GPR39: variants seen among roughly 807,000 people sequenced by gnomAD.
GPR39 encodes the protein G protein-coupled receptor 39.
In GPR39, 23 loss-of-function variants were observed where a neutral mutation model predicts 18.4. The observed-to-expected ratio is 1.25, with a 90% CI of 0.90 to 1.77. The LOEUF (loss-of-function observed/expected upper bound fraction) is 1.77, where lower values mean the gene tolerates loss of function less well. Among genes scored for constraint, GPR39 ranks in the 40% most tolerant of loss-of-function variants. GPR39 has a pLI of 0.00. For synonymous variants in GPR39, 280 were observed against 257.9 expected (o/e 1.09, Z -0.82); for missense variants, 647 against 602.4 (o/e 1.07, Z -0.78).
intron 1 of GPR39, among the ~76,000 whole-genome samples, chr2:132,572,449 G>C (rs1358783565): frequency 1.3e-5 from 2 of 151,312 alleles, no homozygotes; most frequent in Non-Finnish European, 2.9e-5. Flanking sequence ...CAACTATCCA[G>C]TTCTAGCCAG....
chr2:132,455,687 T>A (rs2104773662), intron 1 of GPR39, among the ~76,000 whole-genome samples: 1 of 152,336 alleles, frequency 6.6e-6, no homozygotes, highest in South Asian at 2.1e-4. Flanking sequence ...TGTGTCTTTG[T>A]TCTCATTGGT....
rs2104888281 is a variant in GPR39 at position 132,645,803 on chromosome 2, T to C, written c.*197T>C. The C allele has an allele frequency of 1.3e-6, 1 of 764,766 alleles. No individual in the cohort carries two copies. The highest frequency in any genetic ancestry group is 2.7e-5 in the East Asian group (1 of 36,648). The allele number at this position is 764,766 out of a possible 1,614,324, so 47.4% of individuals were successfully genotyped here. ...GGCCTTGACTCCGGTTACACAGACA[T>C]GGGGGTGAACTTTCACTCCACCTCC... is the stretch of plus-strand genomic sequence containing the variant. On this transcript the variant is annotated 3_prime_UTR_variant, in exon 2 of 2. Transcript: ENST00000329321.
At chr2:132,436,589 T>C (rs1271168910) in intron 1 of GPR39, among the ~76,000 whole-genome samples, 1 of 152,222 alleles carries the variant, frequency 6.6e-6, no homozygotes, top group African/African-American at 2.4e-5. Flanking sequence ...TGAGGTGCTC[T>C]CAGCACTTTA....
At chr2:132,495,025 C>T (rs1023522339) in intron 1 of GPR39, among the ~76,000 whole-genome samples, 4 of 152,000 alleles carry the variant, frequency 2.6e-5, no homozygotes, top group African/African-American at 9.7e-5. Context: ...CCAGCCCTAG[C>T]GGGTTTCTAG....
chr2:132,517,135 C>G (rs1329242168), intron 1 of GPR39, among the ~76,000 whole-genome samples: 1 of 151,704 alleles, frequency 6.6e-6, no homozygotes, highest in Non-Finnish European at 1.5e-5. Context: ...CAAAGTCACT[C>G]CGTTTGTGTG....
At chr2:132,511,861 CA>C (rs1679246441) in intron 1 of GPR39, among the ~76,000 whole-genome samples, 1 of 147,340 alleles carries the variant, frequency 6.8e-6, no homozygotes, top group Admixed American at 6.8e-5. Context: ...AAAGTCCAAG[CA>C]AAGTGATGAC....
chr2:132,434,807 TATAAA>T (rs759041914), intron 1 of GPR39, among the ~76,000 whole-genome samples: 1 of 152,102 alleles, frequency 6.6e-6, no homozygotes, highest in African/African-American at 2.4e-5. Context: ...TTCAGAAAAT[TATAAA>T]AGAGATTGTG....
chr2:132,530,593 C>A (rs1283545256), intron 1 of GPR39, among the ~76,000 whole-genome samples: 1 of 152,156 alleles, frequency 6.6e-6, no homozygotes, highest in East Asian at 1.9e-4. Flanking sequence ...ATGTTAAGGG[C>A]AGCCAGAGAG....
chr2:132,444,095 G>A lies in GPR39; in HGVS notation c.856+26197G>A, dbSNP rs189740349. 3.9e-5 allele frequency among the ~76,000 whole-genome samples: 6 copies of A among 152,188 alleles called. No individual in the cohort carries two copies. In the East Asian group the frequency reaches 1.2e-3, roughly 29 times the overall value. On this transcript the variant is annotated intron_variant, in intron 1 of 1. Transcript: ENST00000329321. ...CTCTCAAAAAAATGGTCATTATGAAGGTGTATTTGTCAGGGAAGGAGGATA... is the reference window on the plus strand; with the variant it reads ...CTCTCAAAAAAATGGTCATTATGAAAGTGTATTTGTCAGGGAAGGAGGATA...
intron 1 of GPR39, among the ~76,000 whole-genome samples, chr2:132,584,464 A>G (rs1370388623): frequency 6.6e-6 from 1 of 152,146 alleles, no homozygotes; most frequent in Non-Finnish European, 1.5e-5. Context: ...AGTCACTCCC[A>G]TAACTCCCTT....
At chr2:132,468,185 T>A (rs1399657066) in intron 1 of GPR39, among the ~76,000 whole-genome samples, 1 of 152,208 alleles carries the variant, frequency 6.6e-6, no homozygotes, top group Non-Finnish European at 1.5e-5. Context: ...CCAACCAACA[T>A]ATTTCAAGTA....
At chr2:132,561,278 T>C (rs1418806093) in intron 1 of GPR39, among the ~76,000 whole-genome samples, 1 of 152,132 alleles carries the variant, frequency 6.6e-6, no homozygotes, top group East Asian at 1.9e-4. Context: ...CTTTTCCTCC[T>C]GGGTCCCACT....
At chr2:132,609,974 G>A (rs765433202) in intron 1 of GPR39, among the ~76,000 whole-genome samples, 2 of 151,806 alleles carry the variant, frequency 1.3e-5, no homozygotes, top group African/African-American at 2.4e-5. Flanking sequence ...CCCAACTTCT[G>A]TCTCTGCTTG....
intron 1 of GPR39, among the ~76,000 whole-genome samples, chr2:132,586,879 G>A (rs3109155): frequency 0.35 from 53,048 of 152,042 alleles, 10,016 homozygotes; most frequent in Non-Finnish European, 0.44. Context: ...TCAGGAAATG[G>A]AGATAGTTTA....
chr2:132,545,961 G>A (rs565805976), intron 1 of GPR39, among the ~76,000 whole-genome samples: 1 of 152,294 alleles, frequency 6.6e-6, no homozygotes, highest in East Asian at 1.9e-4. Context: ...GCTAGCAGAC[G>A]AAGCGAAGTT....
At position 132,582,783 on chromosome 2, in the gene GPR39, C is replaced by T. The variant is rs74717849; in HGVS notation, c.857-62318C>T. Among the ~76,000 whole-genome samples the T allele has an allele frequency of 6.7e-3, 1,025 of 152,278 alleles. 11 individuals carry two copies. Among genetic ancestry groups the T allele is most frequent in the African/African-American group, 0.023 (966 of 41,554 alleles). On this transcript the variant is annotated intron_variant, in intron 1 of 1. Coordinates refer to ENST00000329321, the MANE Select transcript of GPR39 (RefSeq NM_001508.3). ...ACCCTCCTTCCAACCCCTTTTTTACCTCACTACCTACAGCAGTACTTTTCA... is the reference window on the plus strand; with the variant it reads ...ACCCTCCTTCCAACCCCTTTTTTACTTCACTACCTACAGCAGTACTTTTCA...
At chr2:132,577,678 A>G (rs1043277611) in intron 1 of GPR39, among the ~76,000 whole-genome samples, 7 of 152,184 alleles carry the variant, frequency 4.6e-5, no homozygotes, top group South Asian at 2.1e-4. Flanking sequence ...GTTGGTTTCC[A>G]TATGTTCATT....
At chr2:132,503,795 G>A (rs536073592) in intron 1 of GPR39, among the ~76,000 whole-genome samples, 2 of 152,308 alleles carry the variant, frequency 1.3e-5, no homozygotes, top group African/African-American at 2.4e-5. Flanking sequence ...GGATGGGGGT[G>A]TGGTTCCCAT....
Position 132,646,268 on chromosome 2 carries a change from C to CGGTACATGATCCCTGTAACACAGACCCAA in GPR39, c.*663_*691dup. Reference sequence around the variant, plus strand: ...GGCCGCTGATGATGCACAGGACTTGCGGTACATGATCCCTGTAACACAGAC... The same window carrying CGGTACATGATCCCTGTAACACAGACCCAA: ...GGCCGCTGATGATGCACAGGACTTGCGGTACATGATCCCTGTAACACAGACCCAAGGTACATGATCCCTGTAACACAGAC... On this transcript the variant is annotated 3_prime_UTR_variant, in exon 2 of 2. Transcript: ENST00000329321. 3 of 1,551,210 alleles carry CGGTACATGATCCCTGTAACACAGACCCAA rather than the reference C, an allele frequency of 1.9e-6. No homozygotes were observed. Among genetic ancestry groups the CGGTACATGATCCCTGTAACACAGACCCAA allele is most frequent in the Non-Finnish European group, 2.6e-6 (3 of 1,145,246 alleles).
Sources: gnomAD v4.1 joint callset for allele counts (sites outside exome capture counted in the v4.1 genomes callset) on GRCh38, gnomAD v4.1.1 for gene constraint, MANE v1.5 for transcripts, NCBI Gene and HGNC (gene_info 2026-07-23, HGNC 2026-07-21) for gene names.